Variants in SIPA1L2 observed in about 807,000 individuals in gnomAD.
SIPA1L2 encodes the protein signal-induced proliferation-associated 1-like protein 2.
Under a neutral mutation model 163.9 loss-of-function variants are expected in SIPA1L2, and 56 were observed. The observed-to-expected ratio is 0.34, with a 90% CI of 0.28 to 0.43. The LOEUF (loss-of-function observed/expected upper bound fraction) is 0.43. SIPA1L2 is among the 20% of genes least tolerant of loss of function. The probability of loss-of-function intolerance (pLI) is 1.00; values close to 1 mark genes in which losing one functional copy is unlikely to be tolerated. For missense variants in SIPA1L2, 1,974 were observed against 2,193.5 expected (o/e 0.90, Z 2.00); for synonymous variants, 877 against 865.7 (o/e 1.01, Z -0.23).
At chr1:232,435,681 A>G (rs950095398) in intron 15 of SIPA1L2, among the ~76,000 whole-genome samples, 2 of 152,230 alleles carry the variant, frequency 1.3e-5, no homozygotes, top group South Asian at 4.1e-4. Context: ...TTAGGTTAGC[A>G]TAAATACTGC....
intron 1 of SIPA1L2, among the ~76,000 whole-genome samples, chr1:232,616,912 C>T (rs1479821780): frequency 2.6e-5 from 4 of 152,170 alleles, no homozygotes; most frequent in African/African-American, 7.2e-5. Flanking sequence ...TTTAGGTCAA[C>T]TAGGTTTTCA....
intron 1 of SIPA1L2, among the ~76,000 whole-genome samples, chr1:232,624,580 A>G (rs1662981368): frequency 1.3e-5 from 2 of 152,234 alleles, no homozygotes; most frequent in Admixed American, 1.3e-4. Flanking sequence ...ACAATTTTTA[A>G]CACTGGCTCT....
At chr1:232,533,452 T>C (rs1266630786) in intron 2 of SIPA1L2, among the ~76,000 whole-genome samples, 1 of 152,174 alleles carries the variant, frequency 6.6e-6, no homozygotes, top group African/African-American at 2.4e-5. Flanking sequence ...GGCGGGGCAA[T>C]GATCTCTACA....
chr1:232,513,485 T>C (rs1667072587), intron 3 of SIPA1L2, among the ~76,000 whole-genome samples: 1 of 152,094 alleles, frequency 6.6e-6, no homozygotes, highest in Admixed American at 6.5e-5. Context: ...GTAAGCAGCA[T>C]AAGAGATTAT....
At chr1:232,415,404 G>C (rs1045441807) in intron 19 of SIPA1L2, 90 bp downstream of exon 19, 25 of 1,448,716 alleles carry the variant, frequency 1.7e-5, no homozygotes, top group Non-Finnish European at 2.1e-5. Flanking sequence ...GACGATGGGA[G>C]ACAGACGGGC....
intron 3 of SIPA1L2, among the ~76,000 whole-genome samples, chr1:232,508,065 GA>G (rs1364733464): frequency 6.6e-6 from 1 of 151,940 alleles, no homozygotes; most frequent in Admixed American, 6.6e-5. Flanking sequence ...AATTCTAAAT[GA>G]AAAAAAGATA....
chr1:232,435,745 T>A (rs1209117006), intron 15 of SIPA1L2, among the ~76,000 whole-genome samples: 2 of 152,066 alleles, frequency 1.3e-5, no homozygotes, highest in Non-Finnish European at 2.9e-5. Context: ...AGAAAAAAAA[T>A]GTGTTTGCTA....
chr1:232,538,581 G>A (rs145058787), intron 2 of SIPA1L2, among the ~76,000 whole-genome samples: 1 of 152,000 alleles, frequency 6.6e-6, no homozygotes, highest in Non-Finnish European at 1.5e-5. Context: ...AAAATTACTG[G>A]TTTCAAATTA....
intron 2 of SIPA1L2, among the ~76,000 whole-genome samples, chr1:232,521,210 G>A (rs1056806141): frequency 2.7e-4 from 41 of 152,188 alleles, no homozygotes; most frequent in Admixed American, 9.2e-4. Flanking sequence ...TATGATCTGC[G>A]AAGGGGAATA....
chr1:232,564,606 A>C (rs1454846439), intron 2 of SIPA1L2, among the ~76,000 whole-genome samples: 2 of 152,102 alleles, frequency 1.3e-5, no homozygotes, highest in Non-Finnish European at 2.9e-5. Flanking sequence ...GAAAGTACAA[A>C]GTTAAAAGCT....
At chr1:232,485,119 T>C (rs1232809116) in intron 5 of SIPA1L2, among the ~76,000 whole-genome samples, 1 of 152,062 alleles carries the variant, frequency 6.6e-6, no homozygotes, top group African/African-American at 2.4e-5. Context: ...AAACTTAGAG[T>C]TGAGCAGGTA....
At chr1:232,544,861 C>T (rs1657932512) in intron 2 of SIPA1L2, among the ~76,000 whole-genome samples, 1 of 152,166 alleles carries the variant, frequency 6.6e-6, no homozygotes, top group Admixed American at 6.5e-5. Flanking sequence ...GAAAGCAGAT[C>T]CCCTCTTCTC....
intron 18 of SIPA1L2, among the ~76,000 whole-genome samples, chr1:232,422,761 G>T (rs1438559456): frequency 1.3e-5 from 2 of 152,258 alleles, no homozygotes; most frequent in East Asian, 3.9e-4. Flanking sequence ...AAACTACTGG[G>T]CAACTTCAAA....
intron 1 of SIPA1L2, among the ~76,000 whole-genome samples, chr1:232,613,531 C>A (rs542102947): frequency 1.1e-3 from 174 of 152,236 alleles, no homozygotes; most frequent in African/African-American, 2.8e-3. Flanking sequence ...GTATCCAACA[C>A]GGAACTGTCT....
At chr1:232,505,597 G>C (rs1666690095) in intron 3 of SIPA1L2, among the ~76,000 whole-genome samples, 1 of 152,176 alleles carries the variant, frequency 6.6e-6, no homozygotes. Flanking sequence ...GTGGTGTATG[G>C]GAACTGTGAC....
In SIPA1L2 at chr1:232,514,633, C is replaced by A. The variant is rs774042695; in HGVS notation, c.707G>T (p.Cys236Phe). The change falls in exon 3 of 23, where the codon TGT (cysteine) becomes TTT (phenylalanine). Residue 236 changes from cysteine to phenylalanine, a missense_variant. Cys to Phe is a radical substitution (Grantham distance 205). Coordinates refer to ENST00000674635, the MANE Select transcript of SIPA1L2 (RefSeq NM_020808.5). ...AAGGCTCGGAGAGATTGCAGGGTCA[C>A]AGCGGAAAAATTCAGGGAACCCAAA... ...VPFGFPEFFR[C>F]DPAISPSLHA... is the part of the protein sequence containing the mutation. 1.9e-6 allele frequency: 3 copies of A among 1,614,174 alleles called. No homozygotes were observed. Among genetic ancestry groups the A allele is most frequent in the South Asian group, 1.1e-5 (1 of 91,080 alleles).
chr1:232,416,345 C>G (rs1411142117), intron 18 of SIPA1L2, among the ~76,000 whole-genome samples: 3 of 152,168 alleles, frequency 2.0e-5, no homozygotes, highest in Middle Eastern at 3.2e-3. Context: ...GCAGGCGAGT[C>G]TGCACTAGTG....
chr1:232,519,841 T>A (rs924038554), intron 2 of SIPA1L2, among the ~76,000 whole-genome samples: 1 of 152,230 alleles, frequency 6.6e-6, no homozygotes, highest in Non-Finnish European at 1.5e-5. Flanking sequence ...GGCACAAGGA[T>A]ACTAACTGCT....
At position 232,529,385 on chromosome 1, in the gene SIPA1L2, T is replaced by C. The variant is rs1045515669; in HGVS notation, c.-269-13777A>G. Among the ~76,000 whole-genome samples the C allele has an allele frequency of 5.9e-5, 9 of 152,330 alleles. No individual in the cohort carries two copies. The Middle Eastern group carries it at 0.02, about 345-fold the overall frequency. On this transcript the variant is annotated intron_variant, in intron 2 of 22. Transcript: ENST00000674635. ...TTCCTTTACTATGTAACGGTATACA[T>C]TATATTCATCCATTGACAATGACAT... is the stretch of plus-strand genomic sequence containing the variant.
Sources: allele counts gnomAD v4.1 joint callset (sites outside exome capture counted in the v4.1 genomes callset), GRCh38; gene constraint gnomAD v4.1.1; transcripts MANE v1.5; gene names NCBI Gene and HGNC (gene_info 2026-07-23, HGNC 2026-07-21).